Variants in DNAAF10 observed in about 807,000 individuals in gnomAD.
DNAAF10 encodes the protein WD repeat domain 92.
Under a neutral mutation model 43.7 loss-of-function variants are expected in DNAAF10, and 28 were observed. That is an observed-to-expected ratio of 0.64 (90% confidence interval 0.48 to 0.88). The LOEUF is 0.88. Among genes scored for constraint, DNAAF10 ranks in the 40% least tolerant of loss-of-function variants. The pLI is 0.00. For synonymous variants in DNAAF10, 156 were observed against 157.3 expected (o/e 0.99, Z 0.06); for missense variants, 403 against 439.1 (o/e 0.92, Z 0.73).
At chr2:68,133,205 G>C (rs1431187229) in intron 7 of DNAAF10, among the ~76,000 whole-genome samples, 1 of 152,138 alleles carries the variant, frequency 6.6e-6, no homozygotes, top group Non-Finnish European at 1.5e-5. Flanking sequence ...TTTTCACTCA[G>C]AAACCATATT....
chr2:68,134,928 G>T, intron 6 of DNAAF10, 129 bp from the exon 7 acceptor site: 1 of 1,022,252 alleles, frequency 9.8e-7, no homozygotes, highest in Non-Finnish European at 1.4e-6. Context: ...TTATTTTCTG[G>T]CACATCTCTT....
intron 6 of DNAAF10, 35 bp from the exon 7 acceptor site, chr2:68,134,834 T>C (rs919115319): frequency 6.2e-7 from 1 of 1,609,440 alleles, no homozygotes; most frequent in African/African-American, 1.3e-5. Flanking sequence ...CTGGTTTATA[T>C]GCTAAATGGT....
rs1463932470 is a variant in DNAAF10 at position 68,130,155 on chromosome 2, G to T, written c.*1083C>A. ...ATTTGTTTTTTTTTTTTTTGAGACG[G>T]AGTCTCACTCTGTCGCCAGGGCTGG... On this transcript the variant is annotated 3_prime_UTR_variant, in exon 8 of 8. Transcript: ENST00000295121. 1.1e-4 allele frequency: 14 copies of T among 127,130 alleles called. No individual in the cohort carries two copies. The highest frequency in any genetic ancestry group is 4.5e-4 in the African/African-American group (14 of 30,928). 7.9% of individuals were successfully genotyped at this position (127,130 alleles called of 1,614,324 possible). A position where few individuals can be genotyped will look rare whatever the true frequency, so the allele number is the denominator to read the frequency against.
intron 1 of DNAAF10, among the ~76,000 whole-genome samples, chr2:68,156,129 A>G (rs922140074): frequency 2.0e-5 from 3 of 146,596 alleles, no homozygotes; most frequent in Non-Finnish European, 4.5e-5. Flanking sequence ...AAAAAAAGCC[A>G]CTGGTTACCA....
chr2:68,157,256 C>T lies in DNAAF10; in HGVS notation c.183+5G>A, dbSNP rs1158391097. On this transcript the variant is annotated splice_donor_5th_base_variant and intron_variant, in intron 1 of 7. Coordinates refer to ENST00000295121, the MANE Select transcript of DNAAF10 (RefSeq NM_138458.4). ...GGCAGTCCGGATCCTCGACCCGGCA[C>T]CCACCTCCCGAAGCAGCTTCAGGTC... is the stretch of plus-strand genomic sequence containing the variant. 1 of 1,611,152 alleles carries T rather than the reference C, an allele frequency of 6.2e-7. No homozygotes were observed. Among genetic ancestry groups the T allele is most frequent in the Admixed American group, 1.7e-5 (1 of 59,872 alleles).
intron 2 of DNAAF10, among the ~76,000 whole-genome samples, chr2:68,145,264 G>C (rs1175329863): frequency 2.0e-5 from 3 of 151,734 alleles, no homozygotes; most frequent in Non-Finnish European, 4.4e-5. Flanking sequence ...CCATGTATCT[G>C]AGGACGTGGC....
chr2:68,134,361 T>G (rs1420820666), intron 7 of DNAAF10: 2 of 1,073,934 alleles, frequency 1.9e-6, no homozygotes, highest in East Asian at 2.0e-4. Context: ...TATCTAAATT[T>G]AGGCAAGGAA....
intron 7 of DNAAF10, among the ~76,000 whole-genome samples, chr2:68,132,912 G>T (rs1448994978): frequency 6.6e-6 from 1 of 152,182 alleles, no homozygotes; most frequent in African/African-American, 2.4e-5. Flanking sequence ...TTCCAGCTGC[G>T]AAAGTGTTCG....
At chr2:68,144,863 C>T in intron 2 of DNAAF10, 148 bp from the exon 3 acceptor site, 4 of 1,099,070 alleles carry the variant, frequency 3.6e-6, no homozygotes, top group Non-Finnish European at 4.9e-6. Flanking sequence ...ATTTACACTT[C>T]TGAAATTTTC....
intron 1 of DNAAF10, among the ~76,000 whole-genome samples, chr2:68,153,345 T>TAAAAAAAAAAAAAAAAAAAAAAAAAA (rs775794947): frequency 1.0e-5 from 1 of 98,748 alleles, no homozygotes; most frequent in Non-Finnish European, 2.2e-5. Context: ...AGTGATAAAT[T>TAAAAAAAAAAAAAAAAAAAAAAAAAA]AAAAAAAAAA....
chr2:68,134,568 A>T, intron 7 of DNAAF10, 134 bp downstream of exon 7: 1 of 1,507,522 alleles, frequency 6.6e-7, no homozygotes, highest in African/African-American at 1.4e-5. Context: ...CAAGTTATGT[A>T]ACACCATGAA....
intron 4 of DNAAF10, among the ~76,000 whole-genome samples, chr2:68,139,696 C>T (rs1673130998): frequency 6.7e-6 from 1 of 150,174 alleles, no homozygotes; most frequent in Non-Finnish European, 1.5e-5. Context: ...CCCAGCTACT[C>T]GGGAGGCTGA....
chr2:68,131,473 C>G (rs377755846), intron 7 of DNAAF10, 28 bp from the exon 8 acceptor site: 3 of 1,603,712 alleles, frequency 1.9e-6, no homozygotes, highest in South Asian at 2.2e-5. Flanking sequence ...ATGGTAAGAG[C>G]GCATAAATCT....
In DNAAF10 at chr2:68,138,923, A is replaced by G. The variant is rs1350082738; in HGVS notation, c.518-66T>C. On this transcript the variant is annotated intron_variant, in intron 4 of 7. Coordinates refer to ENST00000295121, the MANE Select transcript of DNAAF10 (RefSeq NM_138458.4). ...ATCCTTATAAAGGCTGCTTTAAAAA[A>G]GTCTTATGAAACTAACATAAAACTT... 3.5e-6 allele frequency: 4 copies of G among 1,158,502 alleles called. No individual in the cohort carries two copies. The African/African-American group carries it at 6.1e-5, about 18-fold the overall frequency. 71.8% of individuals were successfully genotyped at this position (1,158,502 alleles called of 1,614,324 possible).
Position 68,131,227 on chromosome 2 carries a change from A to G in DNAAF10, c.*11T>C. ...GCCACCGTGCCCAGCCTCAAGTCCA[A>G]AGTCTTGAAGTCAAATTTTATTGAG... On this transcript the variant is annotated 3_prime_UTR_variant, in exon 8 of 8. Transcript: ENST00000295121. 1 of 1,613,590 alleles carries G rather than the reference A, an allele frequency of 6.2e-7. No individual in the cohort carries two copies.
chr2:68,150,482 C>G (rs1477946677), intron 1 of DNAAF10, among the ~76,000 whole-genome samples: 1 of 152,188 alleles, frequency 6.6e-6, no homozygotes, highest in South Asian at 2.1e-4. Flanking sequence ...CCTATAATAT[C>G]AGCACTTTGG....
At chr2:68,143,139 G>C (rs1405442572) in intron 3 of DNAAF10, among the ~76,000 whole-genome samples, 1 of 151,788 alleles carries the variant, frequency 6.6e-6, no homozygotes, top group South Asian at 2.1e-4. Flanking sequence ...TGGGATTACA[G>C]AGATGAGCCA....
At chr2:68,134,662 A>G (rs1672995762) in intron 7 of DNAAF10, 40 bp downstream of exon 7, 5 of 1,593,248 alleles carry the variant, frequency 3.1e-6, no homozygotes, top group Non-Finnish European at 4.3e-6. Flanking sequence ...TTACACCCAC[A>G]GGTAACTTTA....
At position 68,157,386 on chromosome 2, in the gene DNAAF10, T is replaced by C; in HGVS notation, c.58A>G (p.Thr20Ala). 6.2e-7 allele frequency: 1 copy of C among 1,614,036 alleles called. No individual in the cohort carries two copies. The highest frequency in any genetic ancestry group is 8.5e-7 in the Non-Finnish European group (1 of 1,180,004). ...IAHIQKGFNY[T>A]VFDCKWVPCS... ...GGCACCCACTTACAGTCAAACACCGTGTAGTTGAAGCCCTTCTGGATATGG... is the reference window on the plus strand; with the variant it reads ...GGCACCCACTTACAGTCAAACACCGCGTAGTTGAAGCCCTTCTGGATATGG... The change falls in exon 1 of 8, where the codon ACG becomes GCG. Residue 20 changes from threonine (T) to alanine (A), a missense_variant. Transcript: ENST00000295121.
Sources: gnomAD v4.1 joint callset for allele counts (sites outside exome capture counted in the v4.1 genomes callset) on GRCh38, gnomAD v4.1.1 for gene constraint, MANE v1.5 for transcripts, NCBI Gene and HGNC (gene_info 2026-07-23, HGNC 2026-07-21) for gene names.